The following MINDY2 variants were observed in gnomAD, a reference collection of about 807,000 sequenced individuals.
The protein encoded by MINDY2 is ubiquitin carboxyl-terminal hydrolase MINDY-2.
In MINDY2, 52 loss-of-function variants were observed where a neutral mutation model predicts 68.2. The ratio of observed to expected loss-of-function variants is 0.76; its 90% CI spans 0.61 to 0.96. The LOEUF is 0.96. MINDY2 is among the 40% of genes least tolerant of loss of function. MINDY2 has a pLI of 0.00. For synonymous variants in MINDY2, 372 were observed against 303.0 expected (o/e 1.23, Z -2.36); for missense variants, 881 against 773.4 (o/e 1.14, Z -1.65).
chr15:58,773,304 C>T lies in MINDY2; in HGVS notation c.840+1069C>T, dbSNP rs1900563069. On this transcript the variant is annotated intron_variant, in intron 1 of 8. Transcript: ENST00000559228. ...TATATTAAAAGAAAAAGAAAAATAACCTGGATTCTTCTAAACACTTAGGTA... is the reference window on the plus strand; with the variant it reads ...TATATTAAAAGAAAAAGAAAAATAATCTGGATTCTTCTAAACACTTAGGTA... Among the ~76,000 whole-genome samples, 3 of 152,208 alleles carry T rather than the reference C, an allele frequency of 2.0e-5. 1 individual carries two copies. In the South Asian group the frequency reaches 6.2e-4, roughly 32 times the overall value.
intron 4 of MINDY2, among the ~76,000 whole-genome samples, chr15:58,814,898 C>T (rs1280899419): frequency 6.6e-6 from 1 of 151,668 alleles, no homozygotes; most frequent in African/African-American, 2.4e-5. Context: ...CCACCTCAGC[C>T]TCTCAGAGTG....
intron 4 of MINDY2, among the ~76,000 whole-genome samples, chr15:58,815,891 G>T (rs1337661776): frequency 6.6e-6 from 1 of 151,534 alleles, no homozygotes; most frequent in African/African-American, 2.4e-5. Context: ...TGTTGGTCAG[G>T]ATGGTCTCGA....
intron 6 of MINDY2, among the ~76,000 whole-genome samples, chr15:58,845,905 G>A (rs1365818683): frequency 6.6e-6 from 1 of 152,162 alleles, no homozygotes; most frequent in Non-Finnish European, 1.5e-5. Flanking sequence ...CAACATGGAT[G>A]GAACTGGAGG....
At chr15:58,849,898 G>A (rs1163117786) in intron 7 of MINDY2, among the ~76,000 whole-genome samples, 1 of 151,888 alleles carries the variant, frequency 6.6e-6, no homozygotes, top group Non-Finnish European at 1.5e-5. Flanking sequence ...CACCACACCC[G>A]GCTAATTTTT....
At chr15:58,854,158 C>A (rs2032967046) in intron 8 of MINDY2, among the ~76,000 whole-genome samples, 1 of 151,434 alleles carries the variant, frequency 6.6e-6, no homozygotes, top group Admixed American at 6.6e-5. Context: ...GCAGCAGAAT[C>A]TCTTGAACCC....
At chr15:58,839,410 C>T (rs1228714605) in intron 6 of MINDY2, among the ~76,000 whole-genome samples, 3 of 152,130 alleles carry the variant, frequency 2.0e-5, no homozygotes, top group South Asian at 2.1e-4. Flanking sequence ...TGGCTCACTG[C>T]AACCTCCACC....
At chr15:58,844,886 G>GC (rs1347608562) in intron 6 of MINDY2, among the ~76,000 whole-genome samples, 1 of 132,346 alleles carries the variant, frequency 7.6e-6, no homozygotes, top group Admixed American at 9.0e-5. Flanking sequence ...CTGCACTCCA[G>GC]CCTGGGCGAC....
At chr15:58,789,035 T>C (rs1901700619) in intron 2 of MINDY2, among the ~76,000 whole-genome samples, 1 of 146,242 alleles carries the variant, frequency 6.8e-6, no homozygotes, top group African/African-American at 2.5e-5. Flanking sequence ...TATTTTATTT[T>C]TAAAAAATCT....
At chr15:58,836,473 C>T (rs2031998864) in intron 6 of MINDY2, among the ~76,000 whole-genome samples, 2 of 152,058 alleles carry the variant, frequency 1.3e-5, no homozygotes, top group Admixed American at 6.6e-5. Flanking sequence ...TTCAGGGATC[C>T]TATGGGCATT....
At position 58,851,813 on chromosome 15, in the gene MINDY2, C is replaced by G; in HGVS notation, c.1585C>G (p.Gln529Glu). The change falls in exon 8 of 9, where the codon CAA (glutamine) becomes GAA (glutamate). Residue 529 changes from glutamine to glutamate, a missense_variant. Transcript: ENST00000559228. ...ALSLQQEQQS[Q>E]EINWEQIPEG... ...ATCTCTACAACAAGAACAGCAGAGC[C>G]AAGAGATCAATTGGGAACAAATCCC... 1 of 1,606,420 alleles carries G rather than the reference C, an allele frequency of 6.2e-7. No homozygotes were observed. Among genetic ancestry groups the G allele is most frequent in the Non-Finnish European group, 8.5e-7 (1 of 1,177,954 alleles).
intron 5 of MINDY2, among the ~76,000 whole-genome samples, chr15:58,824,794 T>TCTGCA: frequency 6.6e-6 from 1 of 151,388 alleles, no homozygotes; most frequent in East Asian, 2.0e-4. Context: ...CTCAGCCTCC[T>TCTGCA]GAGTAGCTGG....
At chr15:58,794,515 A>G (rs1902157251) in intron 2 of MINDY2, among the ~76,000 whole-genome samples, 1 of 152,040 alleles carries the variant, frequency 6.6e-6, no homozygotes, top group Non-Finnish European at 1.5e-5. Flanking sequence ...TGTTGGAGAA[A>G]GTGAGCTAAG....
At chr15:58,789,353 T>G (rs1249718238) in intron 2 of MINDY2, among the ~76,000 whole-genome samples, 1 of 152,098 alleles carries the variant, frequency 6.6e-6, no homozygotes. Context: ...CAAAAGAATC[T>G]TATCAACTGG....
intron 1 of MINDY2, among the ~76,000 whole-genome samples, chr15:58,783,317 CTG>C (rs1426762112): frequency 6.6e-6 from 1 of 152,128 alleles, no homozygotes; most frequent in Non-Finnish European, 1.5e-5. Flanking sequence ...GGAACTCAAA[CTG>C]TGTGTTGTTG....
chr15:58,771,845 G>T lies in MINDY2; in HGVS notation c.450G>T (p.Glu150Asp), dbSNP rs201095543. ...AACTGACCGCCGCCGGCTCCGAAGAGCCCAGCAGCGCCGGCGGCCTCAGCA... is the reference window on the plus strand; with the variant it reads ...AACTGACCGCCGCCGGCTCCGAAGATCCCAGCAGCGCCGGCGGCCTCAGCA... ...QAELTAAGSE[E>D]PSSAGGLSSS... Residue 150 changes from glutamate (E) to aspartate (D), a missense_variant, in exon 1 of 9, where the codon GAG (glutamate) becomes GAT (aspartate). Transcript: ENST00000559228. 14 of 1,597,338 alleles carry T rather than the reference G, an allele frequency of 8.8e-6. No homozygotes were observed. The South Asian group carries it at 1.6e-4, about 18-fold the overall frequency.
chr15:58,833,368 C>T (rs1216859827), intron 6 of MINDY2, among the ~76,000 whole-genome samples: 1 of 152,184 alleles, frequency 6.6e-6, no homozygotes, highest in Non-Finnish European at 1.5e-5. Flanking sequence ...CCCTCCACAC[C>T]TGTGGGTGTT....
intron 5 of MINDY2, among the ~76,000 whole-genome samples, chr15:58,830,698 T>C (rs191659979): frequency 6.6e-6 from 1 of 152,336 alleles, no homozygotes; most frequent in Admixed American, 6.5e-5. Flanking sequence ...TATGCTTGGA[T>C]GCTGTTTGAA....
intron 6 of MINDY2, among the ~76,000 whole-genome samples, chr15:58,835,603 A>G (rs2031956406): frequency 6.6e-6 from 1 of 152,194 alleles, no homozygotes; most frequent in Non-Finnish European, 1.5e-5. Context: ...CAGTGAACTG[A>G]GAATGTGCCA....
chr15:58,839,704 A>G (rs1241235913), intron 6 of MINDY2, among the ~76,000 whole-genome samples: 1 of 152,196 alleles, frequency 6.6e-6, no homozygotes, highest in Admixed American at 6.5e-5. Flanking sequence ...GTGTTTCAGT[A>G]CAGCAAACCA....
Sources: gnomAD v4.1 joint callset for allele counts (sites outside exome capture counted in the v4.1 genomes callset) on GRCh38, gnomAD v4.1.1 for gene constraint, MANE v1.5 for transcripts, NCBI Gene and HGNC (gene_info 2026-07-23, HGNC 2026-07-21) for gene names.